The following NCOA4 variants were observed in gnomAD, a reference collection of about 807,000 sequenced individuals.
NCOA4 encodes 70 kDa AR-activator.
Under a neutral mutation model 69.5 loss-of-function variants are expected in NCOA4, and 31 were observed. That is an observed-to-expected ratio of 0.45 (90% CI 0.34 to 0.60). The LOEUF (loss-of-function observed/expected upper bound fraction) is 0.60, where lower values mean the gene tolerates loss of function less well. NCOA4 is among the 20% of genes least tolerant of loss of function. The pLI, the probability that NCOA4 is intolerant of heterozygous loss-of-function variation, is 0.02. For synonymous variants in NCOA4, 228 were observed against 252.4 expected, an observed-to-expected ratio of 0.90 and a Z score of 0.92; for missense variants, 600 against 719.2, an observed-to-expected ratio of 0.83 and a Z score of 1.90.
intron 1 of NCOA4, among the ~76,000 whole-genome samples, chr10:46,023,646 G>A (rs1554924996): frequency 6.6e-6 from 1 of 152,240 alleles, no homozygotes; most frequent in Non-Finnish European, 1.5e-5. Flanking sequence ...AGGCCAGCTA[G>A]AAGGACCTCG....
chr10:46,005,355 T>C lies in NCOA4; in HGVS notation c.*1237A>G. The C allele has an allele frequency of 4.7e-6, 1 of 213,108 alleles. No individual in the cohort carries two copies. The highest frequency in any genetic ancestry group is 9.5e-6 in the Non-Finnish European group (1 of 105,152). The allele number at this position is 213,108 out of a possible 1,614,324, so 13.2% of individuals were successfully genotyped here. On this transcript the variant is annotated 3_prime_UTR_variant, in exon 10 of 10. Transcript: ENST00000581486. Reference sequence around the variant, plus strand: ...AATACAAAGCTCTTTTCAGCTGTGGTTCAAAGAACTCTAGTGAAGCTGTAT... The same window carrying C: ...AATACAAAGCTCTTTTCAGCTGTGGCTCAAAGAACTCTAGTGAAGCTGTAT...
At chr10:46,007,935 G>A (rs1447040270) in intron 9 of NCOA4, among the ~76,000 whole-genome samples, 1 of 152,110 alleles carries the variant, frequency 6.6e-6, no homozygotes, top group East Asian at 1.9e-4. Flanking sequence ...GAGCCCTTGA[G>A]AATTATGCTA....
rs782031329 is a variant in NCOA4 at position 46,011,098 on chromosome 10, G to A, written c.823C>T (p.His275Tyr). ...EKSSYQKCNS[H>Y]STTSSFSIEM... is the part of the protein sequence containing the mutation. ...ATGGAGAAAGAACTAGTAGTGGAATGGCTGTTACACTTTTGATAACTTGAT... is the reference window on the plus strand; with the variant it reads ...ATGGAGAAAGAACTAGTAGTGGAATAGCTGTTACACTTTTGATAACTTGAT... The change falls in exon 8 of 10, where the codon CAT (histidine) becomes TAT (tyrosine). Residue 275 changes from histidine to tyrosine, a missense_variant. Physicochemically the swap from His to Tyr is moderately conservative, Grantham distance 83 (BLOSUM62 2). Coordinates refer to ENST00000581486, the MANE Select transcript of NCOA4 (RefSeq NM_001145263.2). The A allele has an allele frequency of 7.4e-6, 12 of 1,613,864 alleles. No homozygotes were observed. In the East Asian group the frequency reaches 1.6e-4, roughly 21 times the overall value.
At chr10:46,020,526 G>T (rs1839809750) in intron 1 of NCOA4, among the ~76,000 whole-genome samples, 1 of 152,190 alleles carries the variant, frequency 6.6e-6, no homozygotes, top group Admixed American at 6.5e-5. Flanking sequence ...ATTTATCAGG[G>T]CTATGACCTT....
intron 2 of NCOA4, among the ~76,000 whole-genome samples, chr10:46,016,214 G>C (rs1384846690): frequency 6.6e-6 from 1 of 152,230 alleles, no homozygotes; most frequent in Admixed American, 6.5e-5. Context: ...AGAGGATACT[G>C]CTCACTCATT....
chr10:46,005,542 G>A lies in NCOA4; in HGVS notation c.*1050C>T, dbSNP rs782770589. 4.5e-6 allele frequency: 1 copy of A among 220,342 alleles called. No individual in the cohort carries two copies. The highest frequency in any genetic ancestry group is 5.8e-5 in the Admixed American group (1 of 17,314). The allele number at this position is 220,342 out of a possible 1,614,324, so 13.6% of individuals were successfully genotyped here. ...TACACAGACATTTTAAAGCATGGAC[G>A]TAACTTTAAGGAGACTGAGAAAACA... On this transcript the variant is annotated 3_prime_UTR_variant, in exon 10 of 10. Transcript: ENST00000581486.
chr10:46,012,098 A>AAACG (rs1554921823), intron 7 of NCOA4, among the ~76,000 whole-genome samples: 82 of 133,342 alleles, frequency 6.1e-4, no homozygotes, highest in African/African-American at 2.2e-3. Flanking sequence ...AAAAAAAAAA[A>AAACG]AAAAACGAAA....
rs374896405 is a variant in NCOA4, at chr10:46,005,415, G to T, written c.*1177C>A. The T allele has an allele frequency of 4.6e-6, 1 of 217,704 alleles. No individual in the cohort carries two copies. Among genetic ancestry groups the T allele is most frequent in the East Asian group, 6.8e-5 (1 of 14,680 alleles). The allele number at this position is 217,704 out of a possible 1,614,324, so 13.5% of individuals were successfully genotyped here. ...ATTTTGGGACCATGAAGTTTCCCCA[G>T]AAGTATTTCCGGTAAGAGGCAGTTA... On this transcript the variant is annotated 3_prime_UTR_variant, in exon 10 of 10. Coordinates refer to ENST00000581486, the MANE Select transcript of NCOA4 (RefSeq NM_001145263.2).
At chr10:46,025,369 A>T (rs1840104168) in intron 1 of NCOA4, among the ~76,000 whole-genome samples, 1 of 152,204 alleles carries the variant, frequency 6.6e-6, no homozygotes, top group Non-Finnish European at 1.5e-5. Context: ...CACCTAATCC[A>T]CTTGGATTCA....
chr10:46,013,700 A>G lies in NCOA4; in HGVS notation c.481-61T>C, dbSNP rs530025500. 3.8e-5 allele frequency: 45 copies of G among 1,195,502 alleles called. No homozygotes were observed. In the African/African-American group the frequency reaches 5.0e-4, roughly 13 times the overall value. 74.1% of individuals were successfully genotyped at this position (1,195,502 alleles called of 1,614,324 possible). The stretch of plus-strand genomic sequence containing the variant: ...GCTATGCTGCCAAAAAAGTGAAATT[A>G]TAATTCCAAATTTCAAAAATGTTAA... On this transcript the variant is annotated intron_variant, in intron 5 of 9. Coordinates refer to ENST00000581486, the MANE Select transcript of NCOA4 (RefSeq NM_001145263.2).
intron 1 of NCOA4, among the ~76,000 whole-genome samples, chr10:46,021,261 A>G (rs1435952473): frequency 6.6e-6 from 1 of 152,232 alleles, no homozygotes; most frequent in South Asian, 2.1e-4. Context: ...TTTAAAGCTG[A>G]AAAATAGCTC....
intron 1 of NCOA4, among the ~76,000 whole-genome samples, chr10:46,028,462 A>G (rs1424258797): frequency 5.3e-5 from 8 of 151,750 alleles, no homozygotes; most frequent in Non-Finnish European, 8.8e-5. Flanking sequence ...CTAGTCTACT[A>G]TGTGCCGAGC....
At position 46,009,074 on chromosome 10, in the gene NCOA4, C is replaced by T. The variant is rs530365716; in HGVS notation, c.1839+337G>A. Reference sequence around the variant, plus strand: ...GGGAAACCAAAGTATTTGTGTAGCTCTCTTTATTGGGATATTTGCTTTATT... The same window carrying T: ...GGGAAACCAAAGTATTTGTGTAGCTTTCTTTATTGGGATATTTGCTTTATT... On this transcript the variant is annotated intron_variant, in intron 9 of 9. Transcript: ENST00000581486. The T allele has an allele frequency of 3.9e-5, 47 of 1,202,620 alleles. No individual in the cohort carries two copies. In the South Asian group the frequency reaches 5.9e-4, roughly 15 times the overall value. 74.5% of individuals were successfully genotyped at this position (1,202,620 alleles called of 1,614,324 possible). A position where few individuals can be genotyped will look rare whatever the true frequency, so the allele number is the denominator to read the frequency against.
intron 9 of NCOA4, 131 bp downstream of exon 9, chr10:46,009,280 T>G: frequency 6.8e-7 from 1 of 1,477,406 alleles, no homozygotes; most frequent in Non-Finnish European, 9.3e-7. Flanking sequence ...CGTCCCACCC[T>G]CACTTGCCTA....
rs1554919217 is a variant in NCOA4 at position 46,005,257 on chromosome 10, C to T, written c.*1335G>A. 4.7e-6 allele frequency: 1 copy of T among 213,880 alleles called. No homozygotes were observed. The highest frequency in any genetic ancestry group is 9.5e-6 in the Non-Finnish European group (1 of 105,640). The allele number at this position is 213,880 out of a possible 1,614,324, so 13.2% of individuals were successfully genotyped here. On this transcript the variant is annotated 3_prime_UTR_variant, in exon 10 of 10. Transcript: ENST00000581486. ...CTGCAACTCAAGATAACTGGAAAGG[C>T]TCCTTACATTGTTTTTGCCCACCAC...
At chr10:46,014,729 G>A (rs1554922652) in intron 4 of NCOA4, 125 bp downstream of exon 4, 1 of 832,774 alleles carries the variant, frequency 1.2e-6, no homozygotes, top group Non-Finnish European at 1.9e-6. Flanking sequence ...ACATGAAGCA[G>A]AATGATCTTA....
chr10:46,019,301 C>CT, intron 1 of NCOA4: 1 of 983,076 alleles, frequency 1.0e-6, no homozygotes, highest in Admixed American at 6.1e-5. Context: ...TTGGAACTCA[C>CT]TGCAGGGACT....
intron 5 of NCOA4, among the ~76,000 whole-genome samples, chr10:46,013,881 GTTCT>G (rs1277016906): frequency 1.3e-5 from 2 of 151,864 alleles, no homozygotes; most frequent in Non-Finnish European, 2.9e-5. Flanking sequence ...CAAACGTTTC[GTTCT>G]TTATTAAAAA....
intron 2 of NCOA4, 131 bp downstream of exon 2, chr10:46,016,409 G>A (rs17720205): frequency 0.13 from 92,617 of 730,418 alleles, 6,323 homozygotes; most frequent in Non-Finnish European, 0.14. Flanking sequence ...GCAACTGACG[G>A]GGACCAAGTA....
Sources: gnomAD v4.1 joint callset for allele counts (sites outside exome capture counted in the v4.1 genomes callset) on GRCh38, gnomAD v4.1.1 for gene constraint, MANE v1.5 for transcripts, NCBI Gene and HGNC (gene_info 2026-07-23, HGNC 2026-07-21) for gene names.